Variants in TUBGCP4 observed in about 807,000 individuals in gnomAD.
TUBGCP4 encodes gamma-tubulin complex component 4.
In TUBGCP4, 54 loss-of-function variants were observed where a neutral mutation model predicts 91.6. The observed-to-expected ratio is 0.59, with a 90% CI of 0.47 to 0.74. The LOEUF is 0.74. Ranked by LOEUF, TUBGCP4 falls within the 30% of genes least tolerant of loss-of-function variation. The probability of loss-of-function intolerance (pLI) is 0.00; values close to 1 mark genes in which losing one functional copy is unlikely to be tolerated. For missense variants in TUBGCP4, 593 were observed against 800.9 expected, an observed-to-expected ratio of 0.74 and a Z score of 3.13; for synonymous variants, 297 against 302.8, an observed-to-expected ratio of 0.98 and a Z score of 0.20.
intron 4 of TUBGCP4, chr15:43,377,453 T>C (rs1002148544): frequency 3.3e-6 from 1 of 302,150 alleles, no homozygotes; most frequent in Non-Finnish European, 6.1e-6. Flanking sequence ...TGAAACCCTG[T>C]CTCTACTAAA....
At position 43,398,034 on chromosome 15, in the gene TUBGCP4, A is replaced by G; in HGVS notation, c.1280-7A>G. 6.3e-7 allele frequency: 1 copy of G among 1,596,370 alleles called. No individual in the cohort carries two copies. The highest frequency in any genetic ancestry group is 8.5e-7 in the Non-Finnish European group (1 of 1,173,954). On this transcript the variant is annotated splice_polypyrimidine_tract_variant and splice_region_variant and intron_variant, in intron 12 of 17. Transcript: ENST00000564079. ...TTTTCTTTTTTTCTTTTCTTTTATC[A>G]CAGCAGATGCTACTCAGGCAAGAGA...
rs375731722 is a variant in TUBGCP4, at chr15:43,405,137, A to G, written c.1989-65A>G. On this transcript the variant is annotated intron_variant, in intron 17 of 17. Transcript: ENST00000564079. ...TTTAGATCACAGGTTATCCTGATTCATATTTCTTTGAAGGTAGTCTTGGGA... is the reference window on the plus strand; with the variant it reads ...TTTAGATCACAGGTTATCCTGATTCGTATTTCTTTGAAGGTAGTCTTGGGA... The G allele has an allele frequency of 6.5e-5, 102 of 1,570,606 alleles. No individual in the cohort carries two copies. In the African/African-American group the frequency reaches 1.2e-3, roughly 19 times the overall value.
intron 16 of TUBGCP4, chr15:43,404,097 C>G (rs1445527663): frequency 1.2e-5 from 6 of 517,588 alleles, no homozygotes; most frequent in Middle Eastern, 5.0e-4. Flanking sequence ...TGAACTAACC[C>G]CCATCTCACT....
At chr15:43,401,396 G>A (rs1422967189) in intron 14 of TUBGCP4, among the ~76,000 whole-genome samples, 1 of 149,662 alleles carries the variant, frequency 6.7e-6, no homozygotes, top group African/African-American at 2.5e-5. Context: ...AAGTTGCAGT[G>A]AGCCAGGATC....
chr15:43,377,552 C>T (rs2044223722), intron 4 of TUBGCP4: 2 of 326,752 alleles, frequency 6.1e-6, no homozygotes, highest in Non-Finnish European at 1.1e-5. Context: ...GTGGAGGTTG[C>T]AGTGAGCTGG....
At position 43,371,166 on chromosome 15, in the gene TUBGCP4, C is replaced by T. The variant is rs572882246; in HGVS notation, c.-189C>T. Reference sequence around the variant, plus strand: ...GTTGAGCTGCCGAACTTCCGGGACTCCCCCGCGACCCCTTCCCAGCTTCCC... The same window carrying T: ...GTTGAGCTGCCGAACTTCCGGGACTTCCCCGCGACCCCTTCCCAGCTTCCC... On this transcript the variant is annotated 5_prime_UTR_variant, in exon 1 of 18. Coordinates refer to ENST00000564079, the MANE Select transcript of TUBGCP4 (RefSeq NM_014444.5). 565 of 630,972 alleles carry T rather than the reference C, an allele frequency of 9.0e-4. No homozygotes were observed. The highest frequency in any genetic ancestry group is 2.3e-3 in the Admixed American group (86 of 37,110). The allele number at this position is 630,972 out of a possible 1,614,324, so 39.1% of individuals were successfully genotyped here.
Position 43,407,669 on chromosome 15 carries a change from C to A in TUBGCP4, c.*2455C>A. The A allele has an allele frequency of 1.7e-6, 2 of 1,170,696 alleles. No individual in the cohort carries two copies. Among genetic ancestry groups the A allele is most frequent in the Non-Finnish European group, 2.4e-6 (2 of 835,314 alleles). 72.5% of individuals were successfully genotyped at this position (1,170,696 alleles called of 1,614,324 possible). A position where few individuals can be genotyped will look rare whatever the true frequency, so the allele number is the denominator to read the frequency against. Reference sequence around the variant, plus strand: ...TCTAACCAATACATCCCACTCTGCACAAACCAAAGCCCTATTATGTCAAAC... The same window carrying A: ...TCTAACCAATACATCCCACTCTGCAAAAACCAAAGCCCTATTATGTCAAAC... On this transcript the variant is annotated 3_prime_UTR_variant, in exon 18 of 18. Transcript: ENST00000564079.
At chr15:43,389,083 C>A (rs1313067379) in intron 9 of TUBGCP4, among the ~76,000 whole-genome samples, 1 of 152,156 alleles carries the variant, frequency 6.6e-6, no homozygotes, top group Non-Finnish European at 1.5e-5. Flanking sequence ...ATTTCTTGAT[C>A]TGGGTGCTGG....
intron 9 of TUBGCP4, among the ~76,000 whole-genome samples, chr15:43,390,684 T>C (rs1409305371): frequency 6.6e-6 from 1 of 152,008 alleles, no homozygotes; most frequent in African/African-American, 2.4e-5. Context: ...AATTTTTGTA[T>C]TTTTAGTACA....
intron 6 of TUBGCP4, among the ~76,000 whole-genome samples, chr15:43,381,490 A>G (rs1347991451): frequency 6.6e-6 from 1 of 152,126 alleles, no homozygotes; most frequent in African/African-American, 2.4e-5. Context: ...TAATCCCAGC[A>G]CTTTGGAAGG....
In TUBGCP4 at chr15:43,409,129, G is replaced by A. The variant is rs1239268086; in HGVS notation, c.*3915G>A. 1.9e-6 allele frequency: 3 copies of A among 1,603,750 alleles called. No homozygotes were observed. The highest frequency in any genetic ancestry group is 2.2e-5 in the East Asian group (1 of 44,824). On this transcript the variant is annotated 3_prime_UTR_variant, in exon 18 of 18. Coordinates refer to ENST00000564079, the MANE Select transcript of TUBGCP4 (RefSeq NM_014444.5). ...AAAAGAAGCAGAGCCAATGGGTTTG[G>A]TGACTTCTGTGGAAAGCTCCTAAGC...
intron 13 of TUBGCP4, 197 bp downstream of exon 13, chr15:43,398,376 A>C: frequency 1.0e-5 from 4 of 386,938 alleles, no homozygotes; most frequent in Admixed American, 4.3e-5. Flanking sequence ...TAAGACCCCC[A>C]TCTCATAAAA....
chr15:43,386,377 A>ATATATATTTTT (rs1555394852), intron 9 of TUBGCP4, 47 bp downstream of exon 9: 1 of 19,092 alleles, frequency 5.2e-5, no homozygotes, highest in African/African-American at 3.0e-4. Context: ...ATATATATAT[A>ATATATATTTTT]TTTTTTTTTT....
At position 43,389,511 on chromosome 15, in the gene TUBGCP4, T is replaced by C. The variant is rs568082677; in HGVS notation, c.1014+3181T>C. Among the ~76,000 whole-genome samples, 8 of 152,292 alleles carry C rather than the reference T, an allele frequency of 5.3e-5. No homozygotes were observed. In the South Asian group the frequency reaches 1.7e-3, roughly 32 times the overall value. ...CCAGTCCAGAGCTTTTTATCATAAGTAGATGTTGAATTTTATCAACTGCTC... is the reference window on the plus strand; with the variant it reads ...CCAGTCCAGAGCTTTTTATCATAAGCAGATGTTGAATTTTATCAACTGCTC... On this transcript the variant is annotated intron_variant, in intron 9 of 17. Transcript: ENST00000564079.
At position 43,405,297 on chromosome 15, in the gene TUBGCP4, CACAAATAAAT is replaced by C; in HGVS notation, c.*85_*94del. 1 of 1,495,286 alleles carries C rather than the reference CACAAATAAAT, an allele frequency of 6.7e-7. No homozygotes were observed. Among genetic ancestry groups the C allele is most frequent in the South Asian group, 1.1e-5 (1 of 88,172 alleles). The allele number at this position is 1,495,286 out of a possible 1,614,324, so 92.6% of individuals were successfully genotyped here. A position where few individuals can be genotyped will look rare whatever the true frequency, so the allele number is the denominator to read the frequency against. On this transcript the variant is annotated 3_prime_UTR_variant, in exon 18 of 18. Transcript: ENST00000564079. ...TTCAAAACATCCCATTCTAGCCACA[CACAAATAAAT>C]ATCTGCGGCTTAGTGATAGGACTCT...
rs1163842401 is a variant in TUBGCP4, at chr15:43,376,080, G to A, written c.79-18G>A. ...GCAGCGACTGGCGGTGTTTTCGGCA[G>A]TGTTCCTCTTCCTGCAGGTATCGCA... On this transcript the variant is annotated intron_variant, in intron 1 of 17. Transcript: ENST00000564079. 6.2e-7 allele frequency: 1 copy of A among 1,611,932 alleles called. No individual in the cohort carries two copies.
At position 43,385,892 on chromosome 15, in the gene TUBGCP4, A is replaced by ATTTTT; in HGVS notation, c.825_826insTTTTT (p.Ile276PhefsTer18). 1 of 1,614,034 alleles carries ATTTTT rather than the reference A, an allele frequency of 6.2e-7. No homozygotes were observed. The highest frequency in any genetic ancestry group is 8.5e-7 in the Non-Finnish European group (1 of 1,180,018). ...ACATTCCAGTGAGGGTTGCTGAAAA[A>ATTTTT]ATCCTATTTGTTGGAGAATCTGTCC... On this transcript the variant is annotated frameshift_variant, in exon 8 of 18. Transcript: ENST00000564079. LOFTEE classifies it high-confidence loss of function.
chr15:43,377,673 C>T (rs928697773), intron 4 of TUBGCP4, 174 bp from the exon 5 acceptor site: 16 of 562,312 alleles, frequency 2.8e-5, no homozygotes, highest in African/African-American at 6.0e-5. Flanking sequence ...CATCCTCTTC[C>T]TATCTGCAGC....
At chr15:43,398,428 A>G (rs1430163653) in intron 13 of TUBGCP4, 4 of 327,408 alleles carry the variant, frequency 1.2e-5, no homozygotes, top group Non-Finnish European at 1.7e-5. Context: ...CCACCCAACT[A>G]GTTTTTAACA....
Sources: allele counts gnomAD v4.1 joint callset (sites outside exome capture counted in the v4.1 genomes callset), GRCh38; gene constraint gnomAD v4.1.1; transcripts MANE v1.5; gene names NCBI Gene and HGNC (gene_info 2026-07-23, HGNC 2026-07-21).